The following CEP192 variants were observed in gnomAD, a reference collection of about 807,000 sequenced individuals.
CEP192 encodes centrosomal protein of 192 kDa.
A neutral mutation model predicts 271.8 loss-of-function variants in CEP192; 151 were observed. The ratio of observed to expected loss-of-function variants is 0.56; its 90% CI spans 0.49 to 0.64. The LOEUF (loss-of-function observed/expected upper bound fraction) is 0.64, where lower values mean the gene tolerates loss of function less well. CEP192 is among the 30% of genes least tolerant of loss of function. The pLI is 0.00. For synonymous variants in CEP192, 995 were observed against 1,076.5 expected (o/e 0.92, Z 1.48); for missense variants, 2,910 against 3,020.5 (o/e 0.96, Z 0.86).
rs1417238951 is a variant in CEP192, at chr18:13,030,539, T to C, written c.1465T>C (p.Ser489Pro). The change falls in exon 11 of 45, where the codon TCT becomes CCT. Residue 489 changes from serine (S) to proline (P), a missense_variant. By Grantham distance (74) the Ser-to-Pro change is moderately conservative. Transcript: ENST00000506447. ...GGTCACAGACCTTGCCTATTACACA[T>C]CTTTTAATAGCAAACAAAATTTAAA... ...RWVTDLAYYTSFNSKQNLNVS... is the reference protein window; with the variant it reads ...RWVTDLAYYTPFNSKQNLNVS... 3.7e-6 allele frequency: 6 copies of C among 1,611,666 alleles called. No homozygotes were observed. The highest frequency in any genetic ancestry group is 5.1e-6 in the Non-Finnish European group (6 of 1,178,206).
chr18:13,114,173 C>T lies in CEP192; in HGVS notation c.7211C>T (p.Thr2404Met), dbSNP rs537288956. Residue 2404 changes from threonine (T) to methionine (M), a missense_variant, in exon 42 of 45, where the codon ACG becomes ATG. Coordinates refer to ENST00000506447, the MANE Select transcript of CEP192 (RefSeq NM_032142.4). ...GAGCCTGAAAACGCATGCCTTTCCACGGATTCCCTCATTAAAATAGATCAT... is the reference window on the plus strand; with the variant it reads ...GAGCCTGAAAACGCATGCCTTTCCATGGATTCCCTCATTAAAATAGATCAT... Reference protein sequence around the residue: ...ENEPENACLSTDSLIKIDHLV... With the variant: ...ENEPENACLSMDSLIKIDHLV... 17 of 1,613,972 alleles carry T rather than the reference C, an allele frequency of 1.1e-5. 1 individual carries two copies. Among genetic ancestry groups the T allele is most frequent in the African/African-American group, 9.3e-5 (7 of 75,030 alleles).
At chr18:13,079,413 C>T (rs1198090178) in intron 30 of CEP192, among the ~76,000 whole-genome samples, 1 of 152,252 alleles carries the variant, frequency 6.6e-6, no homozygotes, top group Admixed American at 6.5e-5. Flanking sequence ...TTTCATGTGT[C>T]TGTTGGCTGC....
At chr18:13,124,160 CA>C (rs951879626) in intron 44 of CEP192, among the ~76,000 whole-genome samples, 10 of 144,424 alleles carry the variant, frequency 6.9e-5, no homozygotes, top group South Asian at 2.2e-4. Flanking sequence ...AACTCCGTCT[CA>C]AAAAAAAAAG....
chr18:13,113,799 A>C (rs1019626118), intron 41 of CEP192, 94 bp downstream of exon 41: 2 of 1,107,608 alleles, frequency 1.8e-6, no homozygotes, highest in Non-Finnish European at 2.5e-6. Flanking sequence ...AATGCAGAAT[A>C]TAGCCCCATA....
intron 3 of CEP192, among the ~76,000 whole-genome samples, chr18:13,004,677 C>T (rs2033869585): frequency 6.6e-6 from 1 of 152,148 alleles, no homozygotes; most frequent in African/African-American, 2.4e-5. Flanking sequence ...AAAATTATCA[C>T]ATGGGACCAC....
At chr18:13,043,804 T>C (rs1030065751) in intron 15 of CEP192, among the ~76,000 whole-genome samples, 5 of 152,224 alleles carry the variant, frequency 3.3e-5, no homozygotes, top group African/African-American at 1.2e-4. Flanking sequence ...TTATGAGTTT[T>C]GTGCAGATTT....
At chr18:13,026,083 A>G (rs2035282857) in intron 9 of CEP192, among the ~76,000 whole-genome samples, 1 of 152,210 alleles carries the variant, frequency 6.6e-6, no homozygotes, top group Admixed American at 6.5e-5. Context: ...TGCTTGTCTG[A>G]GAAGGTATTT....
chr18:13,094,464 C>T (rs148550324), intron 34 of CEP192, among the ~76,000 whole-genome samples: 4 of 152,250 alleles, frequency 2.6e-5, no homozygotes, highest in South Asian at 2.1e-4. Flanking sequence ...CCTTCACTGT[C>T]GTTATTTGGT....
chr18:13,057,520 G>C, intron 19 of CEP192, 65 bp from the exon 20 acceptor site: 2 of 1,565,322 alleles, frequency 1.3e-6, no homozygotes, highest in African/African-American at 2.7e-5. Flanking sequence ...CCATTTAACA[G>C]ATTTGGCTTA....
rs1233172177 is a variant in CEP192, at chr18:13,015,282, A to G, written c.520-46A>G. ...TTTGTAGCCTTGTACTATGCTCTTC[A>G]GAGCCCTGAATGTGCTTCTCTTACT... On this transcript the variant is annotated intron_variant, in intron 5 of 44. Transcript: ENST00000506447. The G allele has an allele frequency of 2.6e-5, 40 of 1,536,920 alleles. No homozygotes were observed. The Middle Eastern group carries it at 5.4e-4, about 21-fold the overall frequency.
At chr18:13,075,689 T>C (rs1013810880) in intron 30 of CEP192, among the ~76,000 whole-genome samples, 5 of 152,174 alleles carry the variant, frequency 3.3e-5, no homozygotes, top group African/African-American at 1.2e-4. Context: ...TAGTTACTGT[T>C]ATAGCAACAC....
At chr18:13,113,259 G>A (rs1458629158) in intron 40 of CEP192, among the ~76,000 whole-genome samples, 2 of 152,186 alleles carry the variant, frequency 1.3e-5, no homozygotes, top group African/African-American at 4.8e-5. Context: ...AGACAATTGC[G>A]GGTCTGTGGT....
chr18:13,094,480 A>G (rs1046916442), intron 34 of CEP192, among the ~76,000 whole-genome samples: 7 of 152,154 alleles, frequency 4.6e-5, no homozygotes, highest in Admixed American at 2.0e-4. Context: ...TTGGTCCTGC[A>G]TTGCATTCTG....
In CEP192 at chr18:13,026,088, G is replaced by GTATT. The variant is rs1308966596; in HGVS notation, c.1051-3573_1051-3570dup. Among the ~76,000 whole-genome samples the GTATT allele has an allele frequency of 2.0e-5, 3 of 152,302 alleles. No individual in the cohort carries two copies. The East Asian group carries it at 5.8e-4, about 29-fold the overall frequency. On this transcript the variant is annotated intron_variant, in intron 9 of 44. Coordinates refer to ENST00000506447, the MANE Select transcript of CEP192 (RefSeq NM_032142.4). The stretch of plus-strand genomic sequence containing the variant: ...CTTCAATTTTTGCTTGTCTGAGAAG[G>GTATT]TATTTCCCTTTCATGTTTGAAGGAT...
chr18:13,074,558 C>A (rs1022758427), intron 30 of CEP192, among the ~76,000 whole-genome samples: 2 of 152,176 alleles, frequency 1.3e-5, no homozygotes, highest in Non-Finnish European at 2.9e-5. Flanking sequence ...TGATTTAGGG[C>A]AGAACCTTTG....
rs11080618 is a variant in CEP192, at chr18:13,001,524, G to A, written c.232G>A (p.Gly78Arg). Residue 78 changes from glycine to arginine, a missense_variant, in exon 3 of 45, where the codon GGA (glycine) becomes AGA (arginine). Gly to Arg is a moderately radical substitution (Grantham distance 125). Transcript: ENST00000506447. Reference protein sequence around the residue: ...RFSVPSGSSPGSQSDAEPRER... With the variant: ...RFSVPSGSSPRSQSDAEPRER... ...TTCAGTTCCATCCGGGTCATCTCCCGGAAGCCAGAGTGATGCTGAACCAAG... is the reference window on the plus strand; with the variant it reads ...TTCAGTTCCATCCGGGTCATCTCCCAGAAGCCAGAGTGATGCTGAACCAAG... The A allele has an allele frequency of 0.34, 519,593 of 1,548,116 alleles. 89,728 individuals are homozygous for A. The highest frequency in any genetic ancestry group is 0.4 in the Admixed American group (20,484 of 50,682).
At chr18:13,053,201 T>C in intron 18 of CEP192, 111 bp downstream of exon 18, 1 of 879,916 alleles carries the variant, frequency 1.1e-6, no homozygotes, top group Non-Finnish European at 1.7e-6. Flanking sequence ...TGTTGCTCTT[T>C]TATCTTTAAA....
chr18:13,092,672 A>G (rs2039203230), intron 34 of CEP192, 145 bp downstream of exon 34: 2 of 673,410 alleles, frequency 3.0e-6, no homozygotes, highest in Admixed American at 3.2e-5. Context: ...TTAAGTTGAA[A>G]TAATTTCAAA....
intron 32 of CEP192, among the ~76,000 whole-genome samples, chr18:13,088,204 T>G (rs1393909839): frequency 6.6e-6 from 1 of 152,128 alleles, no homozygotes; most frequent in Admixed American, 6.6e-5. Context: ...GCCCAGCACT[T>G]TGGGAGGCTG....
Sources: gnomAD v4.1 joint callset for allele counts (sites outside exome capture counted in the v4.1 genomes callset) on GRCh38, gnomAD v4.1.1 for gene constraint, MANE v1.5 for transcripts, NCBI Gene and HGNC (gene_info 2026-07-23, HGNC 2026-07-21) for gene names.